The following RSPH4A variants were observed in gnomAD, a reference collection of about 807,000 sequenced individuals.
The protein encoded by RSPH4A is radial spoke head component 4A, also known as radial spoke head protein 4 homolog A.
In RSPH4A, 47 loss-of-function variants were observed where a neutral mutation model predicts 71.0. The ratio of observed to expected loss-of-function variants is 0.66; its 90% CI spans 0.52 to 0.84. RSPH4A has a LOEUF of 0.84. Among genes scored for constraint, RSPH4A ranks in the 40% least tolerant of loss-of-function variants. RSPH4A has a pLI of 0.00. For missense variants in RSPH4A, 793 were observed against 855.2 expected (o/e 0.93, Z 0.91); for synonymous variants, 282 against 302.3 (o/e 0.93, Z 0.70).
chr6:116,624,752 T>G (rs1035454770), intron 2 of RSPH4A, among the ~76,000 whole-genome samples: 3 of 152,208 alleles, frequency 2.0e-5, no homozygotes, highest in Non-Finnish European at 4.4e-5. Context: ...CACACCAGAA[T>G]TCGTTTGCTT....
At chr6:116,631,556 G>C (rs987794202) in intron 5 of RSPH4A, among the ~76,000 whole-genome samples, 40 of 152,152 alleles carry the variant, frequency 2.6e-4, no homozygotes, top group Non-Finnish European at 5.3e-4. Flanking sequence ...AAGTGAAAAA[G>C]TGCTGAGCAC....
rs1240306605 is a variant in RSPH4A at position 116,623,838 on chromosome 6, A to T, written c.921+836A>T. ...ATGTAATACAAGAGGAGAGGAGTAA[A>T]ATACTTTTTAAAATCTTCATAGACA... On this transcript the variant is annotated intron_variant, in intron 2 of 5. Transcript: ENST00000229554. Among the ~76,000 whole-genome samples, 7 of 152,208 alleles carry T rather than the reference A, an allele frequency of 4.6e-5. No homozygotes were observed. In the East Asian group the frequency reaches 1.3e-3, roughly 29 times the overall value.
At chr6:116,618,930 C>T (rs1200857239) in intron 1 of RSPH4A, among the ~76,000 whole-genome samples, 1 of 152,212 alleles carries the variant, frequency 6.6e-6, no homozygotes, top group Admixed American at 6.5e-5. Flanking sequence ...ACCAGGGATC[C>T]AACAACTCCC....
Position 116,628,254 on chromosome 6 carries a change from C to G in RSPH4A, c.1547C>G (p.Ala516Gly). 1 of 1,611,694 alleles carries G rather than the reference C, an allele frequency of 6.2e-7. No individual in the cohort carries two copies. Among genetic ancestry groups the G allele is most frequent in the Non-Finnish European group, 8.5e-7 (1 of 1,178,472 alleles). Reference protein sequence around the residue: ...GEEEGEEEEEAEGGRNSFEEN... With the variant: ...GEEEGEEEEEGEGGRNSFEEN... ...GAGGAAGGAGAGGAGGAGGAAGAGG[C>G]AGAAGGTGGGCGAAATAGCTTTGAG... Residue 516 changes from alanine to glycine, a missense_variant, in exon 3 of 6, where the codon GCA becomes GGA. Physicochemically the swap from Ala to Gly is moderately conservative, Grantham distance 60. Transcript: ENST00000229554.
chr6:116,632,192 TTTTC>T lies in RSPH4A; in HGVS notation c.1917-12_1917-9del, dbSNP rs763705825. 6.3e-7 allele frequency: 1 copy of T among 1,577,210 alleles called. No individual in the cohort carries two copies. Among genetic ancestry groups the T allele is most frequent in the Admixed American group, 1.7e-5 (1 of 58,370 alleles). On this transcript the variant is annotated splice_polypyrimidine_tract_variant and intron_variant, in intron 5 of 5. Coordinates refer to ENST00000229554, the MANE Select transcript of RSPH4A (RefSeq NM_001010892.3). ...TATAATGATCTTTTTTTCTTCTTCT[TTTTC>T]TTACTTATAGAAAGTTTGAAAATTT...
chr6:116,627,449 G>C (rs1482894919), intron 2 of RSPH4A, among the ~76,000 whole-genome samples, 180 bp from the exon 3 acceptor site: 1 of 152,136 alleles, frequency 6.6e-6, no homozygotes, highest in Non-Finnish European at 1.5e-5. Flanking sequence ...ACCAGCCTTA[G>C]CCTCCCAAAG....
rs1239090139 is a variant in RSPH4A, at chr6:116,632,267, C to G, written c.1977C>G (p.Pro659=). 1 of 1,612,466 alleles carries G rather than the reference C, an allele frequency of 6.2e-7. No individual in the cohort carries two copies. The stretch of plus-strand genomic sequence containing the variant: ...AGTATAGTCCAGACAATTATACACC[C>G]CCAGTTCCACCACCAGTTTATCAAG... ...GHKYSPDNYT[P]PVPPPVYQEY... is the part of the protein sequence containing the mutation. Residue 659 remains proline (P), a synonymous_variant, in exon 6 of 6, where the codon CCC becomes CCG. Coordinates refer to ENST00000229554, the MANE Select transcript of RSPH4A (RefSeq NM_001010892.3).
Position 116,616,543 on chromosome 6 carries a change from C to T in RSPH4A, c.-81C>T, listed in dbSNP as rs1037693524. ...CCAGAAATCGCTTAAGAGACCGCGG[C>T]AAAGTAACTTAACTGAGTTGCCTTC... On this transcript the variant is annotated 5_prime_UTR_variant, in exon 1 of 6. Coordinates refer to ENST00000229554, the MANE Select transcript of RSPH4A (RefSeq NM_001010892.3). 5 of 1,260,804 alleles carry T rather than the reference C, an allele frequency of 4.0e-6. No homozygotes were observed. In the East Asian group the frequency reaches 7.6e-5, roughly 19 times the overall value. The allele number at this position is 1,260,804 out of a possible 1,614,324, so 78.1% of individuals were successfully genotyped here.
Position 116,622,823 on chromosome 6 carries a change from G to T in RSPH4A, c.742G>T (p.Ala248Ser), listed in dbSNP as rs142883991. 2 of 1,613,290 alleles carry T rather than the reference G, an allele frequency of 1.2e-6. No individual in the cohort carries two copies. The highest frequency in any genetic ancestry group is 2.2e-5 in the South Asian group (2 of 91,054). Residue 248 changes from alanine to serine, a missense_variant, in exon 2 of 6, where the codon GCT becomes TCT. By Grantham distance (99) the Ala-to-Ser change is moderately conservative (BLOSUM62 1). Transcript: ENST00000229554. ...GATATTAAATGAGCGTCCTGAAAAT[G>T]CTGTTGACATCTTTGAAAATATTAG... is the stretch of plus-strand genomic sequence containing the variant. ...TKILNERPEN[A>S]VDIFENISQD...
Position 116,632,626 on chromosome 6 carries a change from A to G in RSPH4A, c.*185A>G, listed in dbSNP as rs1180670669. On this transcript the variant is annotated 3_prime_UTR_variant, in exon 6 of 6. Transcript: ENST00000229554. ...CATAGGTAGAAATATTAGCATTTTTATTGAAAGATACTCACAGGATTTTCC... is the reference window on the plus strand; with the variant it reads ...CATAGGTAGAAATATTAGCATTTTTGTTGAAAGATACTCACAGGATTTTCC... 2 of 715,314 alleles carry G rather than the reference A, an allele frequency of 2.8e-6. No individual in the cohort carries two copies. Among genetic ancestry groups the G allele is most frequent in the Non-Finnish European group, 4.4e-6 (2 of 452,500 alleles). 44.3% of individuals were successfully genotyped at this position (715,314 alleles called of 1,614,324 possible).
At chr6:116,628,914 C>T (rs1245473001) in intron 3 of RSPH4A, among the ~76,000 whole-genome samples, 1 of 151,874 alleles carries the variant, frequency 6.6e-6, no homozygotes, top group Non-Finnish European at 1.5e-5. Context: ...CACAGCAACC[C>T]CATGACATAG....
intron 5 of RSPH4A, among the ~76,000 whole-genome samples, chr6:116,631,392 T>A (rs1368208936): frequency 6.6e-6 from 1 of 152,062 alleles, no homozygotes; most frequent in Non-Finnish European, 1.5e-5. Flanking sequence ...TTTTCCCCCA[T>A]GGAATGGCCC....
At position 116,628,312 on chromosome 6, in the gene RSPH4A, T is replaced by C. The variant is rs1415343672; in HGVS notation, c.1605T>C (p.Ile535=). 1 of 1,612,252 alleles carries C rather than the reference T, an allele frequency of 6.2e-7. No homozygotes were observed. Residue 535 remains isoleucine, a synonymous_variant, in exon 3 of 6, where the codon ATT becomes ATC. Coordinates refer to ENST00000229554, the MANE Select transcript of RSPH4A (RefSeq NM_001010892.3). The part of the protein sequence containing the change: ...ENPDFEGIQV[I]DLVESLSNWV... ...CTGATTTTGAAGGCATCCAAGTGAT[T>C]GATCTAGTAGAATCCCTATCCAATT...
chr6:116,616,739 C>A lies in RSPH4A; in HGVS notation c.116C>A (p.Ser39Ter), dbSNP rs368110732. 70 of 1,613,608 alleles carry A rather than the reference C, an allele frequency of 4.3e-5. No homozygotes were observed. The highest frequency in any genetic ancestry group is 5.4e-5 in the Non-Finnish European group (64 of 1,179,616). Reference protein sequence around the residue: ...AASPQYSEPESSEPLEAKQGP... With the variant: ...AASPQYSEPE ...TCTCCCCAATATTCTGAGCCTGAGT[C>A]GTCTGAGCCCTTGGAGGCGAAGCAG... Residue 39 changes from serine to a stop codon, truncating the protein, a stop_gained, in exon 1 of 6, where the codon TCG becomes TAG. Coordinates refer to ENST00000229554, the MANE Select transcript of RSPH4A (RefSeq NM_001010892.3). LOFTEE classifies it high-confidence loss of function.
chr6:116,622,770 A>G lies in RSPH4A; in HGVS notation c.689A>G (p.Tyr230Cys). Residue 230 changes from tyrosine (Y) to cysteine (C), a missense_variant and splice_region_variant, in exon 2 of 6, where the codon TAT (tyrosine) becomes TGT (cysteine). By Grantham distance (194) the Tyr-to-Cys change is radical. Transcript: ENST00000229554. ...KTSSNSGFNL[Y>C]DHLSNMLTKI... is the part of the protein sequence containing the mutation. ...TGGAATTTTCTCTGTTTGGATAGAT[A>G]TGATCATCTTTCTAATATGTTGACC... 6.4e-7 allele frequency: 1 copy of G among 1,571,524 alleles called. No homozygotes were observed. The highest frequency in any genetic ancestry group is 1.1e-5 in the South Asian group (1 of 90,140).
Position 116,616,506 on chromosome 6 carries a change from A to C in RSPH4A, c.-118A>C. ...GGAGATAGGACGCAGCAACTCACAG[A>C]GCAACCAGGACCCAGAAATCGCTTA... On this transcript the variant is annotated 5_prime_UTR_variant, in exon 1 of 6. Coordinates refer to ENST00000229554, the MANE Select transcript of RSPH4A (RefSeq NM_001010892.3). 1 of 904,794 alleles carries C rather than the reference A, an allele frequency of 1.1e-6. No homozygotes were observed. Among genetic ancestry groups the C allele is most frequent in the East Asian group, 2.6e-5 (1 of 38,106 alleles). 56.0% of individuals were successfully genotyped at this position (904,794 alleles called of 1,614,324 possible).
chr6:116,616,935 C>T lies in RSPH4A; in HGVS notation c.312C>T (p.Leu104=). 1.9e-6 allele frequency: 3 copies of T among 1,614,204 alleles called. No individual in the cohort carries two copies. The highest frequency in any genetic ancestry group is 2.5e-6 in the Non-Finnish European group (3 of 1,180,030). ...CCCTGGCTCCGGCCAGACAAGACCT[C>T]GCGGCACCACCTCAGTCGGACAGGA... is the stretch of plus-strand genomic sequence containing the variant. ...PSPLAPARQD[L]AAPPQSDRTT... is the part of the protein sequence containing the mutation. The change falls in exon 1 of 6, where the codon CTC becomes CTT. Residue 104 remains leucine, a synonymous_variant. Transcript: ENST00000229554.
intron 2 of RSPH4A, among the ~76,000 whole-genome samples, chr6:116,626,857 C>G (rs1391385284): frequency 6.6e-6 from 1 of 152,044 alleles, no homozygotes; most frequent in Non-Finnish European, 1.5e-5. Context: ...ATACAGGATA[C>G]TATATTTTTA....
At position 116,616,972 on chromosome 6, in the gene RSPH4A, A is replaced by AT; in HGVS notation, c.351dup (p.Pro118SerfsTer2). The AT allele has an allele frequency of 6.2e-7, 1 of 1,614,204 alleles. No individual in the cohort carries two copies. Among genetic ancestry groups the AT allele is most frequent in the Admixed American group, 1.7e-5 (1 of 60,030 alleles). ...TCAGTCGGACAGGACCACGAGTGTG[A>AT]TTCCTGAAGCTGGGACACCTTATCC... On this transcript the variant is annotated frameshift_variant, in exon 1 of 6. Coordinates refer to ENST00000229554, the MANE Select transcript of RSPH4A (RefSeq NM_001010892.3). LOFTEE classifies it high-confidence loss of function.
Sources: gnomAD v4.1 joint callset for allele counts (sites outside exome capture counted in the v4.1 genomes callset) on GRCh38, gnomAD v4.1.1 for gene constraint, MANE v1.5 for transcripts, NCBI Gene and HGNC (gene_info 2026-07-23, HGNC 2026-07-21) for gene names.